Variants in ACACB observed in about 807,000 individuals in gnomAD.
ACACB encodes the protein acetyl-CoA carboxylase 2.
A neutral mutation model predicts 278.8 loss-of-function variants in ACACB; 209 were observed. That is an observed-to-expected ratio of 0.75 (90% CI 0.67 to 0.84). ACACB has a LOEUF of 0.84. ACACB is among the 40% of genes least tolerant of loss of function. The pLI, the probability that ACACB is intolerant of heterozygous loss-of-function variation, is 0.00. For missense variants in ACACB, 2,850 were observed against 3,269.0 expected, an observed-to-expected ratio of 0.87 and a Z score of 3.13; for synonymous variants, 1,174 against 1,285.6, an observed-to-expected ratio of 0.91 and a Z score of 1.86.
intron 24 of ACACB, among the ~76,000 whole-genome samples, chr12:109,218,179 C>T (rs746918041): frequency 4.6e-5 from 7 of 152,090 alleles, no homozygotes; most frequent in South Asian, 4.2e-4. Context: ...TCTTTCCACT[C>T]GATGATAGCA....
chr12:109,257,326 A>T (rs2047254141), intron 45 of ACACB, among the ~76,000 whole-genome samples: 1 of 152,002 alleles, frequency 6.6e-6, no homozygotes, highest in Non-Finnish European at 1.5e-5. Flanking sequence ...AAATAAAAAA[A>T]AAAAAATCCA....
chr12:109,146,234 G>A (rs1356132081), intron 2 of ACACB, among the ~76,000 whole-genome samples: 3 of 152,300 alleles, frequency 2.0e-5, no homozygotes, highest in African/African-American at 7.2e-5. Flanking sequence ...TCTGACTCAC[G>A]TGGAAGCCAC....
chr12:109,223,063 G>C, intron 26 of ACACB, 151 bp downstream of exon 26: 2 of 674,204 alleles, frequency 3.0e-6, no homozygotes, highest in South Asian at 3.5e-5. Flanking sequence ...AATGTGGCCA[G>C]GGCTGCCCGA....
At chr12:109,225,776 A>T (rs4766584) in intron 27 of ACACB, among the ~76,000 whole-genome samples, 1 of 152,046 alleles carries the variant, frequency 6.6e-6, no homozygotes, top group Non-Finnish European at 1.5e-5. Flanking sequence ...CATCCAGTCT[A>T]AATCGAGCTG....
chr12:109,179,364 T>G lies in ACACB; in HGVS notation c.1647+67T>G. 3 of 1,511,862 alleles carry G rather than the reference T, an allele frequency of 2.0e-6. No homozygotes were observed. The South Asian group carries it at 3.6e-5, about 18-fold the overall frequency. The allele number at this position is 1,511,862 out of a possible 1,614,324, so 93.7% of individuals were successfully genotyped here. ...GTCTCAGCTCAGAGTCAGGAAGAACTTTCTACGGTCAGTGTGGCTGAATGG... is the reference window on the plus strand; with the variant it reads ...GTCTCAGCTCAGAGTCAGGAAGAACGTTCTACGGTCAGTGTGGCTGAATGG... On this transcript the variant is annotated intron_variant, in intron 10 of 52. Transcript: ENST00000338432.
chr12:109,222,889 C>G lies in ACACB; in HGVS notation c.3769C>G (p.Gln1257Glu), dbSNP rs146002202. The G allele has an allele frequency of 5.4e-4, 876 of 1,612,554 alleles. 6 individuals carry two copies. The African/African-American group carries it at 0.01, about 19-fold the overall frequency. The part of the protein sequence containing the change: ...FLSAIDMYGH[Q>E]FCPENLKKLI... ...GTCTGCCATTGACATGTACGGCCAC[C>G]AGTTCTGCCCCGAGAACCTCAAGGT... is the stretch of plus-strand genomic sequence containing the variant. Residue 1257 changes from glutamine (Q) to glutamate (E), a missense_variant, in exon 26 of 53, where the codon CAG becomes GAG. Coordinates refer to ENST00000338432, the MANE Select transcript of ACACB (RefSeq NM_001093.4).
At chr12:109,159,117 A>G (rs2043639445) in intron 2 of ACACB, among the ~76,000 whole-genome samples, 1 of 152,222 alleles carries the variant, frequency 6.6e-6, no homozygotes, top group Non-Finnish European at 1.5e-5. Context: ...CAAGGTAGTC[A>G]TCCCAGGGGG....
chr12:109,182,515 G>A (rs1439569678), intron 11 of ACACB, among the ~76,000 whole-genome samples: 1 of 152,138 alleles, frequency 6.6e-6, no homozygotes, highest in African/African-American at 2.4e-5. Flanking sequence ...CTACAAGTGT[G>A]CAACACCATG....
chr12:109,259,604 C>G (rs1473116728), intron 47 of ACACB, among the ~76,000 whole-genome samples: 1 of 150,542 alleles, frequency 6.6e-6, no homozygotes, highest in Non-Finnish European at 1.5e-5. Flanking sequence ...CAATGAGGAA[C>G]TGAGGGTTGG....
chr12:109,200,511 GTCAA>G (rs1188726252), intron 18 of ACACB, among the ~76,000 whole-genome samples: 3 of 152,122 alleles, frequency 2.0e-5, no homozygotes, highest in Non-Finnish European at 4.4e-5. Context: ...AACAATTATT[GTCAA>G]TCAATGATTA....
At chr12:109,177,833 T>G (rs1413779622) in intron 9 of ACACB, among the ~76,000 whole-genome samples, 1 of 152,166 alleles carries the variant, frequency 6.6e-6, no homozygotes, top group East Asian at 1.9e-4. Flanking sequence ...TTAAAGCTTT[T>G]TTGCTTTTTA....
chr12:109,139,474 G>A lies in ACACB; in HGVS notation c.69G>A (p.Trp23Ter). Residue 23 changes from tryptophan (W) to a stop codon, truncating the protein, a stop_gained, in exon 2 of 53, where the codon TGG becomes TGA. Coordinates refer to ENST00000338432, the MANE Select transcript of ACACB (RefSeq NM_001093.4). LOFTEE classifies it high-confidence loss of function. ...TGACCTTTTCCTGGTTAAAAATCTG[G>A]GGGAAAATGACGGACTCCAAGCCGA... ...SCLTFSWLKI[W>*]GKMTDSKPIT... is the part of the protein sequence containing the mutation. 6.2e-7 allele frequency: 1 copy of A among 1,614,044 alleles called. No homozygotes were observed.
At position 109,210,261 on chromosome 12, in the gene ACACB, G is replaced by A. The variant is rs979096516; in HGVS notation, c.3249+908G>A. ...TATATGTATATATACACACATGTGT[G>A]TATATGTACATATACACACACATAT... On this transcript the variant is annotated intron_variant, in intron 21 of 52. Transcript: ENST00000338432. Among the ~76,000 whole-genome samples, 70 of 45,054 alleles carry A rather than the reference G, an allele frequency of 1.6e-3. 11 individuals carry two copies. Among genetic ancestry groups the A allele is most frequent in the African/African-American group, 7.6e-3 (68 of 8,896 alleles). The allele number at this position is 45,054 out of a possible 152,430, so 29.6% of individuals were successfully genotyped here. A position where few individuals can be genotyped will look rare whatever the true frequency, so the allele number is the denominator to read the frequency against.
At position 109,248,676 on chromosome 12, in the gene ACACB, C is replaced by T. The variant is rs143745924; in HGVS notation, c.5669+973C>T. ...TCTAGCCGCGCTGGCAGCTGGATGA[C>T]TGGATGGTGCGCACCCACATTGAGG... On this transcript the variant is annotated intron_variant, in intron 40 of 52. Coordinates refer to ENST00000338432, the MANE Select transcript of ACACB (RefSeq NM_001093.4). Among the ~76,000 whole-genome samples, 404 of 152,320 alleles carry T rather than the reference C, an allele frequency of 2.7e-3. 3 individuals carry two copies. Among genetic ancestry groups the T allele is most frequent in the Non-Finnish European group, 4.8e-3 (326 of 68,032 alleles).
At chr12:109,191,506 A>G (rs2044881668) in intron 13 of ACACB, 107 bp from the exon 14 acceptor site, 55 of 1,427,312 alleles carry the variant, frequency 3.9e-5, no homozygotes, top group Non-Finnish European at 5.3e-5. Context: ...GAGCCACCAC[A>G]CCCGGCCACT....
chr12:109,197,002 C>A lies in ACACB; in HGVS notation c.2482-6C>A, dbSNP rs775896021. On this transcript the variant is annotated splice_polypyrimidine_tract_variant and splice_region_variant and intron_variant, in intron 16 of 52. Coordinates refer to ENST00000338432, the MANE Select transcript of ACACB (RefSeq NM_001093.4). ...CCAGGCGGTGACAAGGGGCTTGTCC[C>A]CACAGGTGGCCCGGCAGTCTCTGAC... 2.6e-6 allele frequency: 4 copies of A among 1,549,208 alleles called. No individual in the cohort carries two copies. The South Asian group carries it at 4.9e-5, about 19-fold the overall frequency.
intron 35 of ACACB, among the ~76,000 whole-genome samples, chr12:109,240,465 T>C (rs58939692): frequency 0.055 from 8,332 of 151,738 alleles, 247 homozygotes; most frequent in Non-Finnish European, 0.073. Flanking sequence ...GAGACAAGCC[T>C]GGGCAACATG....
intron 20 of ACACB, among the ~76,000 whole-genome samples, chr12:109,208,229 T>C (rs2045579802): frequency 6.6e-6 from 1 of 151,930 alleles, no homozygotes; most frequent in African/African-American, 2.4e-5. Context: ...TTTTTTTTTT[T>C]TTTTGGAGAC....
chr12:109,246,237 A>C lies in ACACB; in HGVS notation c.5360A>C (p.Asp1787Ala). 6.2e-7 allele frequency: 1 copy of C among 1,613,836 alleles called. No individual in the cohort carries two copies. The highest frequency in any genetic ancestry group is 8.5e-7 in the Non-Finnish European group (1 of 1,179,984). Reference protein sequence around the residue: ...FKTQEYPEGRDVIVIGNDITF... With the variant: ...FKTQEYPEGRAVIVIGNDITF... ...ACCCAGGAGTACCCGGAAGGACGGGATGTGATCGTCATCGGCAATGACATC... is the reference window on the plus strand; with the variant it reads ...ACCCAGGAGTACCCGGAAGGACGGGCTGTGATCGTCATCGGCAATGACATC... The change falls in exon 39 of 53, where the codon GAT becomes GCT. Residue 1787 changes from aspartate to alanine, a missense_variant. Asp to Ala is a moderately radical substitution (Grantham distance 126). Around this residue, in one of 3 missense-constraint regions of ACACB, gnomAD observed 2,265 missense variants for 2,561.3 expected, o/e 0.88. Transcript: ENST00000338432.
Sources: gnomAD v4.1 joint callset for allele counts (sites outside exome capture counted in the v4.1 genomes callset) on GRCh38, gnomAD v4.1.1 for gene constraint, gnomAD v4.1.1 regional missense constraint, MANE v1.5 for transcripts, NCBI Gene and HGNC (gene_info 2026-07-23, HGNC 2026-07-21) for gene names.